SLC25A48: variants seen among roughly 807,000 people sequenced by gnomAD.
SLC25A48 encodes the protein CTC-321K16.1.
A neutral mutation model predicts 32.2 loss-of-function variants in SLC25A48; 29 were observed. That is an observed-to-expected ratio of 0.90 (90% CI 0.67 to 1.23). SLC25A48 has a LOEUF of 1.23. Ranked by LOEUF, SLC25A48 falls within the 50% of genes most tolerant of loss-of-function variation. The pLI is 0.00. For missense variants in SLC25A48, 399 were observed against 422.7 expected (o/e 0.94, Z 0.49); for synonymous variants, 164 against 172.3 (o/e 0.95, Z 0.38).
chr5:135,887,801 C>T (rs1176067608), intron 7 of SLC25A48, among the ~76,000 whole-genome samples: 3 of 152,052 alleles, frequency 2.0e-5, no homozygotes, highest in Non-Finnish European at 4.4e-5. Flanking sequence ...GCAGCAGTGC[C>T]CCCTGTGCTC....
intron 3 of SLC25A48, among the ~76,000 whole-genome samples, chr5:135,640,731 CA>C (rs1752815760): frequency 6.6e-6 from 1 of 151,828 alleles, no homozygotes; most frequent in Middle Eastern, 3.2e-3. Flanking sequence ...ATTAAAAGAA[CA>C]AAAAAGAAAA....
chr5:135,717,716 G>A (rs1419986069), intron 3 of SLC25A48, among the ~76,000 whole-genome samples: 1 of 152,146 alleles, frequency 6.6e-6, no homozygotes, highest in Non-Finnish European at 1.5e-5. Context: ...TCAGAAGTGG[G>A]ATGAGAAAAG....
At chr5:135,806,830 T>C (rs1344993644) in intron 3 of SLC25A48, among the ~76,000 whole-genome samples, 1 of 150,238 alleles carries the variant, frequency 6.7e-6, no homozygotes, top group African/African-American at 2.4e-5. Context: ...AATATCTCAG[T>C]GTGTTAACAT....
rs116204688 is a variant in SLC25A48, at chr5:135,789,497, C to T, written c.-520-23026C>T. Among the ~76,000 whole-genome samples the T allele has an allele frequency of 3.5e-3, 526 of 151,306 alleles. 4 individuals carry two copies. Among genetic ancestry groups the T allele is most frequent in the African/African-American group, 0.012 (504 of 41,148 alleles). ...TACTTCCCAGGTGTACAACCGCCTGCGGAATGGTTTGTAATATCCAGGAGG... is the reference window on the plus strand; with the variant it reads ...TACTTCCCAGGTGTACAACCGCCTGTGGAATGGTTTGTAATATCCAGGAGG... On this transcript the variant is annotated intron_variant, in intron 3 of 10. Coordinates refer to the SLC25A48 transcript ENST00000646290.
At chr5:135,821,396 C>T (rs1269983092) in intron 4 of SLC25A48, among the ~76,000 whole-genome samples, 1 of 152,162 alleles carries the variant, frequency 6.6e-6, no homozygotes, top group Non-Finnish European at 1.5e-5. Context: ...GGTGTCTCAG[C>T]CCCACCCTGA....
At chr5:135,672,718 G>T (rs1303248127) in intron 3 of SLC25A48, among the ~76,000 whole-genome samples, 1 of 152,048 alleles carries the variant, frequency 6.6e-6, no homozygotes, top group Non-Finnish European at 1.5e-5. Context: ...GTTTTATTGG[G>T]GTGGAATTGA....
At chr5:135,701,276 A>C (rs768787406) in intron 3 of SLC25A48, among the ~76,000 whole-genome samples, 32 of 152,168 alleles carry the variant, frequency 2.1e-4, no homozygotes, top group Non-Finnish European at 3.7e-4. Flanking sequence ...CCAAAGCTTC[A>C]GTGACATGGC....
intron 3 of SLC25A48, among the ~76,000 whole-genome samples, chr5:135,643,783 A>G (rs567848435): frequency 6.6e-6 from 1 of 152,366 alleles, no homozygotes; most frequent in East Asian, 1.9e-4. Context: ...GCAGCTACCA[A>G]CATTTACTGC....
chr5:135,800,004 A>C (rs1757282223), intron 3 of SLC25A48, among the ~76,000 whole-genome samples: 1 of 151,684 alleles, frequency 6.6e-6, no homozygotes, highest in East Asian at 2.0e-4. Context: ...CCCCAAGTGT[A>C]ATATAGTTCC....
intron 4 of SLC25A48, among the ~76,000 whole-genome samples, chr5:135,829,607 G>A (rs962102595): frequency 1.5e-4 from 22 of 143,152 alleles, no homozygotes; most frequent in African/African-American, 5.1e-4. Flanking sequence ...GGAGTCCTAT[G>A]AATATGGCAC....
chr5:135,834,281 C>T (rs1758322830), upstream of SLC25A48, among the ~76,000 whole-genome samples: 1 of 152,200 alleles, frequency 6.6e-6, no homozygotes. Flanking sequence ...TTAGACATGA[C>T]CCTGAACCAC....
chr5:135,665,765 GA>G (rs10648621), intron 3 of SLC25A48, among the ~76,000 whole-genome samples: 44 of 148,188 alleles, frequency 3.0e-4, no homozygotes, highest in African/African-American at 7.5e-4. Context: ...TATTCTTTTT[GA>G]AAAAAAAAAA....
intron 1 of SLC25A48, among the ~76,000 whole-genome samples, chr5:135,595,621 G>A (rs1751631925): frequency 6.6e-6 from 1 of 152,194 alleles, no homozygotes; most frequent in Admixed American, 6.5e-5. Context: ...AAGAGAGCAG[G>A]GGCTTTGAAT....
intron 3 of SLC25A48, among the ~76,000 whole-genome samples, chr5:135,700,634 C>A (rs1754373405): frequency 6.6e-6 from 1 of 152,124 alleles, no homozygotes; most frequent in Non-Finnish European, 1.5e-5. Flanking sequence ...AAGGCCCAGG[C>A]TTAGGTTTTA....
rs538185076 is a variant in SLC25A48, at chr5:135,853,787, T to C, written c.421+966T>C. ...TGAACCCCAAATGCTCTTAAGAGCATCTAGAATGGTGAATTTTTTCCAGAA... is the reference window on the plus strand; with the variant it reads ...TGAACCCCAAATGCTCTTAAGAGCACCTAGAATGGTGAATTTTTTCCAGAA... On this transcript the variant is annotated intron_variant, in intron 4 of 7. Transcript: ENST00000681962. 4.7e-4 allele frequency among the ~76,000 whole-genome samples: 71 copies of C among 152,316 alleles called. 1 individual carries two copies. The highest frequency in any genetic ancestry group is 1.6e-3 in the African/African-American group (67 of 41,568).
chr5:135,800,934 A>G (rs1757305827), intron 3 of SLC25A48, among the ~76,000 whole-genome samples: 1 of 150,960 alleles, frequency 6.6e-6, no homozygotes. Flanking sequence ...ATGGTTCATA[A>G]CACTCAGGGG....
intron 3 of SLC25A48, among the ~76,000 whole-genome samples, chr5:135,638,230 AAG>A (rs1752751111): frequency 6.6e-6 from 1 of 152,246 alleles, no homozygotes; most frequent in African/African-American, 2.4e-5. Flanking sequence ...AAAACAAAAA[AAG>A]AGTAGATGTA....
intron 4 of SLC25A48, among the ~76,000 whole-genome samples, chr5:135,817,896 C>A (rs1757767117): frequency 6.6e-6 from 1 of 152,112 alleles, no homozygotes; most frequent in Non-Finnish European, 1.5e-5. Flanking sequence ...GGCCCATTTT[C>A]CCACTTACTA....
chr5:135,634,978 G>A (rs1461375784), intron 3 of SLC25A48: 2 of 152,220 alleles, frequency 1.3e-5, no homozygotes, highest in Admixed American at 6.5e-5. Context: ...TGTTGCTGCA[G>A]CTTTGTTTTA....
Sources: gnomAD v4.1 joint callset for allele counts (sites outside exome capture counted in the v4.1 genomes callset) on GRCh38, gnomAD v4.1.1 for gene constraint, MANE v1.5 for transcripts, NCBI Gene and HGNC (gene_info 2026-07-23, HGNC 2026-07-21) for gene names.